The following REST variants were observed in gnomAD, a reference collection of about 807,000 sequenced individuals.
REST encodes the protein RE1 silencing transcription factor.
In REST, 1 loss-of-function variant was observed where a neutral mutation model predicts 30.4. The ratio of observed to expected loss-of-function variants is 0.03; its 90% CI spans 0.01 to 0.16. The LOEUF is 0.16. REST is among the 10% of genes least tolerant of loss of function. The probability of loss-of-function intolerance (pLI) is 1.00; values close to 1 mark genes in which losing one functional copy is unlikely to be tolerated. For synonymous variants in REST, 504 were observed against 451.1 expected, an observed-to-expected ratio of 1.12 and a Z score of -1.49; for missense variants, 1,259 against 1,329.5, an observed-to-expected ratio of 0.95 and a Z score of 0.82.
rs564073919 is a variant in REST at position 56,925,879 on chromosome 4, A to G, written c.983-3962A>G. On this transcript the variant is annotated intron_variant, in intron 3 of 3. Transcript: ENST00000309042. The stretch of plus-strand genomic sequence containing the variant: ...TTTCCGTTCACCATTCCTTAGGTGG[A>G]CCCTCGCACCTTGATGGATGCATGC... Among the ~76,000 whole-genome samples the G allele has an allele frequency of 4.6e-5, 7 of 152,204 alleles. No homozygotes were observed. In the South Asian group the frequency reaches 1.5e-3, roughly 32 times the overall value.
Position 56,930,293 on chromosome 4 carries a change from C to G in REST, c.1435C>G (p.Pro479Ala), listed in dbSNP as rs753029340. Residue 479 changes from proline (P) to alanine (A), a missense_variant, in exon 4 of 4, where the codon CCT becomes GCT. Coordinates refer to ENST00000309042, the MANE Select transcript of REST (RefSeq NM_005612.5). ...EKRDVSKEKK[P>A]SNNVSVIQVT... ...AAGAGATGTCTCAAAAGAGAAAAAG[C>G]CTTCTAATAATGTGTCAGTGATCCA... 2.5e-6 allele frequency: 4 copies of G among 1,613,702 alleles called. No individual in the cohort carries two copies. The highest frequency in any genetic ancestry group is 3.4e-6 in the Non-Finnish European group (4 of 1,179,956).
chr4:56,931,710 C>T lies in REST; in HGVS notation c.2852C>T (p.Thr951Ile). The T allele has an allele frequency of 6.2e-7, 1 of 1,614,198 alleles. No homozygotes were observed. The highest frequency in any genetic ancestry group is 8.5e-7 in the Non-Finnish European group (1 of 1,180,032). The change falls in exon 4 of 4, where the codon ACT becomes ATT. Residue 951 changes from threonine to isoleucine, a missense_variant. Around this residue, in one of 5 missense-constraint regions of REST, gnomAD observed 856 missense variants for 772.8 expected, o/e 1.11. Transcript: ENST00000309042. ...ATAGTTTGTGAAATGAAAATGGACA[C>T]TGATCAGAACACAAGAGAGAATCTC... is the stretch of plus-strand genomic sequence containing the variant. ...DSIVCEMKMD[T>I]DQNTRENLTG...
Position 56,911,377 on chromosome 4 carries a change from G to A in REST, c.739G>A (p.Val247Ile), listed in dbSNP as rs1314534661. The A allele has an allele frequency of 3.7e-6, 6 of 1,614,054 alleles. No individual in the cohort carries two copies. The highest frequency in any genetic ancestry group is 4.2e-6 in the Non-Finnish European group (5 of 1,180,044). ...CACCAGAGCTGGGGATAATGAGCGA[G>A]TCTACAAGTGTATCATTTGCACATA... ...HHTRAGDNER[V>I]YKCIICTYTT... Residue 247 changes from valine (V) to isoleucine (I), a missense_variant, in exon 2 of 4, where the codon GTC (valine) becomes ATC (isoleucine). By Grantham distance (29) the Val-to-Ile change is conservative. This residue lies in a region of REST where 125 missense variants were observed against 255.4 expected (regional missense o/e 0.49). Coordinates refer to ENST00000309042, the MANE Select transcript of REST (RefSeq NM_005612.5).
intron 2 of REST, among the ~76,000 whole-genome samples, chr4:56,912,162 G>A (rs1719959514): frequency 6.6e-6 from 1 of 152,076 alleles, no homozygotes; most frequent in Non-Finnish European, 1.5e-5. Flanking sequence ...GGAACAACTT[G>A]TCTTTGTCCA....
intron 2 of REST, among the ~76,000 whole-genome samples, chr4:56,914,905 ATTT>A (rs11321935): frequency 2.6e-4 from 31 of 118,578 alleles, no homozygotes; most frequent in East Asian, 7.6e-4. Flanking sequence ...CTTCATTCTG[ATTT>A]TTTTTTTTTT....
At chr4:56,914,274 G>C (rs902714097) in intron 2 of REST, among the ~76,000 whole-genome samples, 2 of 152,092 alleles carry the variant, frequency 1.3e-5, no homozygotes, top group South Asian at 2.1e-4. Flanking sequence ...TTATATCCCA[G>C]ATACTTAAAA....
chr4:56,931,028 G>A lies in REST; in HGVS notation c.2170G>A (p.Val724Ile), dbSNP rs1720942802. The A allele has an allele frequency of 6.2e-7, 1 of 1,614,040 alleles. No homozygotes were observed. Among genetic ancestry groups the A allele is most frequent in the Admixed American group, 1.7e-5 (1 of 60,008 alleles). The change falls in exon 4 of 4, where the codon GTC (valine) becomes ATC (isoleucine). Residue 724 changes from valine (V) to isoleucine (I), a missense_variant. Physicochemically the swap from Val to Ile is conservative, Grantham distance 29. This residue lies in a region of REST where 856 missense variants were observed against 772.8 expected (regional missense o/e 1.11). Transcript: ENST00000309042. ...GGTAGAATCTGCTCCCATGCAGGTG[G>A]TCCAGAAGGAGCCTGTTCAGATGGA... The part of the protein sequence containing the change: ...AQVESAPMQV[V>I]QKEPVQMELS...
intron 2 of REST, among the ~76,000 whole-genome samples, chr4:56,912,453 C>G (rs917823382): frequency 1.3e-5 from 2 of 148,666 alleles, no homozygotes; most frequent in Non-Finnish European, 3.0e-5. Flanking sequence ...GATTATCTTG[C>G]TTCAGCCTCC....
At chr4:56,912,271 T>C (rs1347242913) in intron 2 of REST, among the ~76,000 whole-genome samples, 1 of 152,110 alleles carries the variant, frequency 6.6e-6, no homozygotes, top group Non-Finnish European at 1.5e-5. Context: ...AGAAAATGTA[T>C]TTTTCAGACA....
At chr4:56,912,235 A>G (rs986123132) in intron 2 of REST, among the ~76,000 whole-genome samples, 1 of 151,564 alleles carries the variant, frequency 6.6e-6, no homozygotes, top group Non-Finnish European at 1.5e-5. Flanking sequence ...AATTGAAACT[A>G]TTTTCCTATG....
At chr4:56,909,494 T>TA (rs1719797941) in intron 1 of REST, 1 of 152,220 alleles carries the variant, frequency 6.6e-6, no homozygotes, top group Admixed American at 6.5e-5. Flanking sequence ...AAAGTCGATG[T>TA]TGGGCCAAAT....
intron 2 of REST, among the ~76,000 whole-genome samples, chr4:56,918,210 G>T (rs563006640): frequency 1.3e-5 from 2 of 149,818 alleles, no homozygotes; most frequent in South Asian, 2.1e-4. Context: ...ATTGATGACT[G>T]GTTGGGCATG....
chr4:56,933,830 T>C lies in REST; in HGVS notation c.*1678T>C, dbSNP rs1343273015. The C allele has an allele frequency of 6.6e-6, 1 of 152,210 alleles. No homozygotes were observed. Among genetic ancestry groups the C allele is most frequent in the East Asian group, 1.9e-4 (1 of 5,198 alleles). The allele number at this position is 152,210 out of a possible 1,614,324, so 9.4% of individuals were successfully genotyped here. A position where few individuals can be genotyped will look rare whatever the true frequency, so the allele number is the denominator to read the frequency against. ...TTGAATTCTGACCTCCCATACTCCG[T>C]TTTGAAATAACCACTTTATATTTCA... On this transcript the variant is annotated 3_prime_UTR_variant, in exon 4 of 4. Coordinates refer to ENST00000309042, the MANE Select transcript of REST (RefSeq NM_005612.5).
Position 56,910,797 on chromosome 4 carries a change from C to T in REST, c.159C>T (p.Ala53=), listed in dbSNP as rs762781665. ...AGCTTATTATGCTGGCAAATGTGGC[C>T]TTAACTGGGGAAGTAAATGGCAGCT... The part of the protein sequence containing the change: ...APQLIMLANV[A]LTGEVNGSCC... Residue 53 remains alanine, a synonymous_variant, in exon 2 of 4, where the codon GCC becomes GCT. Coordinates refer to ENST00000309042, the MANE Select transcript of REST (RefSeq NM_005612.5). 6.2e-7 allele frequency: 1 copy of T among 1,614,150 alleles called. No individual in the cohort carries two copies. Among genetic ancestry groups the T allele is most frequent in the Non-Finnish European group, 8.5e-7 (1 of 1,180,042 alleles).
At chr4:56,929,665 G>A (rs1249252780) in intron 3 of REST, among the ~76,000 whole-genome samples, 176 bp from the exon 4 acceptor site, 1 of 152,148 alleles carries the variant, frequency 6.6e-6, no homozygotes, top group Non-Finnish European at 1.5e-5. Flanking sequence ...CCTCTCTTTT[G>A]AGAATCAATG....
rs555971601 is a variant in REST, at chr4:56,908,250, G to C, written c.-10+37G>C. On this transcript the variant is annotated intron_variant, in intron 1 of 3. Transcript: ENST00000309042. ...GCTGGGCTGGGGGCTCGGTCAGGGT[G>C]GGGGAGGGCCGCCCGGGCGGCGGCA... The C allele has an allele frequency of 2.1e-4, 49 of 231,540 alleles. 1 individual carries two copies. The South Asian group carries it at 5.0e-3, about 24-fold the overall frequency. 14.3% of individuals were successfully genotyped at this position (231,540 alleles called of 1,614,324 possible). A position where few individuals can be genotyped will look rare whatever the true frequency, so the allele number is the denominator to read the frequency against.
In REST at chr4:56,930,156, G is replaced by A. The variant is rs774473417; in HGVS notation, c.1298G>A (p.Arg433Gln). 17 of 1,613,206 alleles carry A rather than the reference G, an allele frequency of 1.1e-5. No individual in the cohort carries two copies. The highest frequency in any genetic ancestry group is 3.3e-4 in the Middle Eastern group (2 of 6,076). Residue 433 changes from arginine to glutamine, a missense_variant, in exon 4 of 4, where the codon CGA becomes CAA. By Grantham distance (43) the Arg-to-Gln change is conservative. Coordinates refer to ENST00000309042, the MANE Select transcript of REST (RefSeq NM_005612.5). ...SKVKLKKTKKREADLPDNITN... is the reference protein window; with the variant it reads ...SKVKLKKTKKQEADLPDNITN... ...GTGAAACTAAAGAAAACCAAAAAAC[G>A]AGAGGCTGACTTGCCTGATAATATT...
chr4:56,912,201 TA>T, intron 2 of REST, among the ~76,000 whole-genome samples: 1 of 152,324 alleles, frequency 6.6e-6, no homozygotes, highest in South Asian at 2.1e-4. Flanking sequence ...AGGTAGTTTT[TA>T]AAAGGTGGGT....
intron 3 of REST, among the ~76,000 whole-genome samples, chr4:56,923,084 A>ATTT (rs1232715736): frequency 6.6e-6 from 1 of 152,162 alleles, no homozygotes; most frequent in East Asian, 1.9e-4. Context: ...TTTAAAGATG[A>ATTT]TTTTTAGTAT....
Sources: gnomAD v4.1 joint callset for allele counts (sites outside exome capture counted in the v4.1 genomes callset) on GRCh38, gnomAD v4.1.1 for gene constraint, gnomAD v4.1.1 regional missense constraint, MANE v1.5 for transcripts, NCBI Gene and HGNC (gene_info 2026-07-23, HGNC 2026-07-21) for gene names.